SEPTIN9: variants seen among roughly 807,000 people sequenced by gnomAD.
SEPTIN9 encodes the protein septin-9.
SEPTIN9 carries 13 observed loss-of-function variants against 56.6 expected under a neutral mutation model. The ratio of observed to expected loss-of-function variants is 0.23; its 90% CI spans 0.15 to 0.37. The LOEUF is 0.37. Among genes scored for constraint, SEPTIN9 ranks in the 10% least tolerant of loss-of-function variants. SEPTIN9 has a pLI of 1.00. For synonymous variants in SEPTIN9, 332 were observed against 334.1 expected (o/e 0.99, Z 0.07); for missense variants, 650 against 823.1 (o/e 0.79, Z 2.57).
chr17:77,387,626 G>C (rs1417545356), intron 2 of SEPTIN9, among the ~76,000 whole-genome samples: 3 of 152,122 alleles, frequency 2.0e-5, no homozygotes, highest in Non-Finnish European at 4.4e-5. Context: ...ATGAGGGCGT[G>C]ATGAGGTTCT....
intron 1 of SEPTIN9, 129 bp from the exon 2 acceptor site, chr17:77,307,012 T>G (rs1447067301): frequency 3.4e-6 from 3 of 889,680 alleles, no homozygotes; most frequent in Non-Finnish European, 3.8e-6. Flanking sequence ...TGTCCCCAGA[T>G]GGGCCCCGTT....
At position 77,306,971 on chromosome 17, in the gene SEPTIN9, C is replaced by T. The variant is rs147400826; in HGVS notation, c.20-170C>T. 5.8e-4 allele frequency among the ~76,000 whole-genome samples: 88 copies of T among 152,352 alleles called. 1 individual carries two copies. In the East Asian group the frequency reaches 7.9e-3, roughly 14 times the overall value. On this transcript the variant is annotated intron_variant, in intron 1 of 11. Transcript: ENST00000427177. ...ACAGCAGTGGCTGTCATCCCTCCAG[C>T]GTCCAGGGTTACCTGGGGGAGTAGG...
intron 2 of SEPTIN9, among the ~76,000 whole-genome samples, chr17:77,349,626 G>C (rs897967197): frequency 6.6e-6 from 1 of 152,146 alleles, no homozygotes; most frequent in African/African-American, 2.4e-5. Context: ...TGATTGCTCA[G>C]TACCTACCTC....
rs1011635776 is a variant in SEPTIN9 at position 77,450,714 on chromosome 17, G to C, written c.722-31430G>C. On this transcript the variant is annotated intron_variant, in intron 3 of 11. Coordinates refer to ENST00000427177, the MANE Select transcript of SEPTIN9 (RefSeq NM_001113491.2). This position sits in a 1 kb window ranked among gnomAD's most constrained non-coding sequence, Gnocchi z 6.0. ...ACTGACTCACTGGCCAGGTCCCCCA[G>C]GGGCTGGAGAGGCTGGAGAGGCAGG... The C allele has an allele frequency of 2.0e-6, 2 of 986,162 alleles. No individual in the cohort carries two copies. The highest frequency in any genetic ancestry group is 2.4e-6 in the Non-Finnish European group (2 of 830,678). 61.1% of individuals were successfully genotyped at this position (986,162 alleles called of 1,614,324 possible).
intron 3 of SEPTIN9, among the ~76,000 whole-genome samples, chr17:77,462,241 TTTTTG>T (rs2038509537): frequency 6.6e-6 from 1 of 151,888 alleles, no homozygotes; most frequent in African/African-American, 2.4e-5. Context: ...GCCTGAGCGG[TTTTTG>T]TTTTGTTTTG....
chr17:77,348,158 T>C (rs2033943563), intron 2 of SEPTIN9, among the ~76,000 whole-genome samples: 1 of 152,190 alleles, frequency 6.6e-6, no homozygotes, highest in Non-Finnish European at 1.5e-5. Context: ...ATTCAGGCTA[T>C]TTCTGTTTAA....
At chr17:77,438,663 C>T (rs1247848701) in intron 3 of SEPTIN9, among the ~76,000 whole-genome samples, 1 of 152,188 alleles carries the variant, frequency 6.6e-6, no homozygotes, top group Non-Finnish European at 1.5e-5. Flanking sequence ...CGCAGTCTCC[C>T]CTGCAGCCTC....
At chr17:77,454,567 A>T (rs2038112349) in intron 3 of SEPTIN9, 1 of 167,572 alleles carries the variant, frequency 6.0e-6, no homozygotes, top group Non-Finnish European at 1.2e-5. Context: ...CACACTCAGC[A>T]CCTGGGCCTG....
At chr17:77,302,166 AC>A (rs1412898484) in intron 1 of SEPTIN9, among the ~76,000 whole-genome samples, 1 of 152,172 alleles carries the variant, frequency 6.6e-6, no homozygotes, top group African/African-American at 2.4e-5. Flanking sequence ...TAGCATAACA[AC>A]CCAGGTAAAA....
intron 2 of SEPTIN9, among the ~76,000 whole-genome samples, chr17:77,354,506 G>T (rs902667383): frequency 2.0e-5 from 3 of 152,140 alleles, no homozygotes; most frequent in Non-Finnish European, 4.4e-5. Flanking sequence ...CTCCTGCCCA[G>T]CCTGGAGCCT....
chr17:77,477,187 A>G (rs557245907), intron 3 of SEPTIN9, among the ~76,000 whole-genome samples: 1 of 149,406 alleles, frequency 6.7e-6, no homozygotes, highest in South Asian at 2.1e-4. Context: ...ATATTACACC[A>G]TCCGCCGATT....
chr17:77,457,657 G>A (rs1479273500), intron 3 of SEPTIN9, among the ~76,000 whole-genome samples: 1 of 152,172 alleles, frequency 6.6e-6, no homozygotes, highest in East Asian at 1.9e-4. Flanking sequence ...GGAAACATGG[G>A]GTTCACACTG....
intron 11 of SEPTIN9, among the ~76,000 whole-genome samples, chr17:77,498,311 CA>C (rs1196390583): frequency 2.0e-5 from 3 of 151,978 alleles, no homozygotes; most frequent in South Asian, 4.1e-4. Flanking sequence ...CTGGGCTTAC[CA>C]GGGGGACTGA....
chr17:77,449,899 G>A lies in SEPTIN9; in HGVS notation c.722-32245G>A, dbSNP rs1272228247. On this transcript the variant is annotated intron_variant, in intron 3 of 11. Coordinates refer to ENST00000427177, the MANE Select transcript of SEPTIN9 (RefSeq NM_001113491.2). This position sits in a 1 kb window ranked among gnomAD's most constrained non-coding sequence, Gnocchi z 4.6. ...GTTGGTGGTGCCCATTTTATGGATG[G>A]GGAAGGTCAAATTCCACAGATATTG... Among the ~76,000 whole-genome samples the A allele has an allele frequency of 2.0e-5, 3 of 152,182 alleles. No homozygotes were observed. The highest frequency in any genetic ancestry group is 2.9e-5 in the Non-Finnish European group (2 of 68,028).
intron 3 of SEPTIN9, among the ~76,000 whole-genome samples, chr17:77,464,745 T>C (rs442385): frequency 0.074 from 11,294 of 151,756 alleles, 1,390 homozygotes; most frequent in African/African-American, 0.26. Flanking sequence ...GGACTACAGG[T>C]GCCCACCACC....
rs772897487 is a variant in SEPTIN9, at chr17:77,497,350, C to G, written c.1609C>G (p.Arg537Gly). The G allele has an allele frequency of 6.2e-7, 1 of 1,613,774 alleles. No individual in the cohort carries two copies. The highest frequency in any genetic ancestry group is 8.5e-7 in the Non-Finnish European group (1 of 1,179,758). The change falls in exon 11 of 12, where the codon CGG becomes GGG. Residue 537 changes from arginine to glycine, a missense_variant. Arg to Gly is a moderately radical substitution (Grantham distance 125). Transcript: ENST00000427177. ...NTTHCEFAYL[R>G]DLLIRTHMQN... ...CACACACTGTGAGTTTGCCTACCTGCGGGACCTTCTCATCAGGTGAGAGAC... is the reference window on the plus strand; with the variant it reads ...CACACACTGTGAGTTTGCCTACCTGGGGGACCTTCTCATCAGGTGAGAGAC...
rs1023214260 is a variant in SEPTIN9, at chr17:77,475,319, C to T, written c.722-6825C>T. 43 of 1,425,068 alleles carry T rather than the reference C, an allele frequency of 3.0e-5. No individual in the cohort carries two copies. Among genetic ancestry groups the T allele is most frequent in the Middle Eastern group, 2.6e-4 (1 of 3,854 alleles). 88.3% of individuals were successfully genotyped at this position (1,425,068 alleles called of 1,614,324 possible). On this transcript the variant is annotated intron_variant, in intron 3 of 11. Transcript: ENST00000427177. This position sits in a 1 kb window ranked among gnomAD's most constrained non-coding sequence, Gnocchi z 4.6. ...GAGCGGGGAGGGCAAGCCCTGGTTGCGAGGCAGGGCTTCCCCAGGATTCAG... is the reference window on the plus strand; with the variant it reads ...GAGCGGGGAGGGCAAGCCCTGGTTGTGAGGCAGGGCTTCCCCAGGATTCAG...
rs181648863 is a variant in SEPTIN9 at position 77,476,383 on chromosome 17, C to T, written c.722-5761C>T. Among the ~76,000 whole-genome samples, 2 of 152,310 alleles carry T rather than the reference C, an allele frequency of 1.3e-5. No homozygotes were observed. The highest frequency in any genetic ancestry group is 2.9e-5 in the Non-Finnish European group (2 of 68,024). The stretch of plus-strand genomic sequence containing the variant: ...TCCCAGCCAGATATCCTACAGCCCC[C>T]GTCCCAGCCACAGACAGCAATCTGA... On this transcript the variant is annotated intron_variant, in intron 3 of 11. Transcript: ENST00000427177. The surrounding 1 kb of genome is among the most constrained non-coding windows in gnomAD (Gnocchi z 6.0).
chr17:77,422,203 C>G (rs1204707263), intron 3 of SEPTIN9, among the ~76,000 whole-genome samples: 1 of 152,152 alleles, frequency 6.6e-6, no homozygotes, highest in Non-Finnish European at 1.5e-5. Context: ...GTGCAGGACC[C>G]GGGCCTCAGC....
Sources: gnomAD v4.1 joint callset for allele counts (sites outside exome capture counted in the v4.1 genomes callset) on GRCh38, gnomAD v4.1.1 for gene constraint, Gnocchi (gnomAD v3.1) non-coding constraint, MANE v1.5 for transcripts, NCBI Gene and HGNC (gene_info 2026-07-23, HGNC 2026-07-21) for gene names.